The following MAP3K3 variants were observed in gnomAD, a reference collection of about 807,000 sequenced individuals.
MAP3K3 encodes MAP/ERK kinase kinase 3.
Under a neutral mutation model 80.9 loss-of-function variants are expected in MAP3K3, and 12 were observed. The ratio of observed to expected loss-of-function variants is 0.15; its 90% CI spans 0.10 to 0.24. The LOEUF (loss-of-function observed/expected upper bound fraction) is 0.24, where lower values mean the gene tolerates loss of function less well. Ranked by LOEUF, MAP3K3 falls within the 10% of genes least tolerant of loss-of-function variation. The pLI, the probability that MAP3K3 is intolerant of heterozygous loss-of-function variation, is 1.00. For missense variants in MAP3K3, 596 were observed against 834.7 expected (o/e 0.71, Z 3.52); for synonymous variants, 272 against 307.1 (o/e 0.89, Z 1.19).
At chr17:63,648,925 A>G (rs2034593768) in intron 3 of MAP3K3, among the ~76,000 whole-genome samples, 1 of 152,344 alleles carries the variant, frequency 6.6e-6, no homozygotes, top group South Asian at 2.1e-4. Flanking sequence ...GACAAAGGAA[A>G]AAAACAGGAA....
Position 63,692,351 on chromosome 17 carries a change from T to A in MAP3K3, c.1584T>A (p.Thr528=). ...CGGGGACGGGCATGCGCTCCGTCAC[T>A]GGCACACCCTACTGGATGAGCCCTG... is the stretch of plus-strand genomic sequence containing the variant. ...CMSGTGMRSV[T]GTPYWMSPEV... Residue 528 remains threonine, a synonymous_variant, in exon 15 of 16, where the codon ACT becomes ACA. Transcript: ENST00000361733. The surrounding 1 kb of genome is among the most constrained non-coding windows in gnomAD (Gnocchi z 4.5). The A allele has an allele frequency of 6.2e-7, 1 of 1,613,960 alleles. No individual in the cohort carries two copies. Among genetic ancestry groups the A allele is most frequent in the South Asian group, 1.1e-5 (1 of 91,088 alleles).
At chr17:63,658,150 A>G (rs2034810941) in intron 5 of MAP3K3, among the ~76,000 whole-genome samples, 1 of 152,216 alleles carries the variant, frequency 6.6e-6, no homozygotes, top group Non-Finnish European at 1.5e-5. Context: ...GGAGGAAGGA[A>G]AATACTTTAT....
intron 6 of MAP3K3, among the ~76,000 whole-genome samples, chr17:63,680,629 A>G (rs139569654): frequency 6.6e-6 from 1 of 152,286 alleles, no homozygotes; most frequent in Non-Finnish European, 1.5e-5. Flanking sequence ...GCAGAAAAAC[A>G]TTGCTCAGTG....
chr17:63,636,404 T>G (rs1413908442), intron 2 of MAP3K3, among the ~76,000 whole-genome samples: 1 of 152,200 alleles, frequency 6.6e-6, no homozygotes, highest in Non-Finnish European at 1.5e-5. Context: ...TCTGGAAGCC[T>G]ACAGCGTGGT....
In MAP3K3 at chr17:63,674,619, G is replaced by A. The variant is rs919915298; in HGVS notation, c.503-7147G>A. On this transcript the variant is annotated intron_variant, in intron 6 of 15. Coordinates refer to ENST00000361733, the MANE Select transcript of MAP3K3 (RefSeq NM_002401.5). ...CTACACCTCAGCTTCCCAAAGTGCT[G>A]AGATTATAGGTATGAGCCACCATGC... Among the ~76,000 whole-genome samples, 3 of 152,176 alleles carry A rather than the reference G, an allele frequency of 2.0e-5. No individual in the cohort carries two copies. In the South Asian group the frequency reaches 6.2e-4, roughly 32 times the overall value.
intron 2 of MAP3K3, among the ~76,000 whole-genome samples, chr17:63,642,898 C>T (rs1483618551): frequency 1.3e-5 from 2 of 151,658 alleles, no homozygotes; most frequent in Non-Finnish European, 2.9e-5. Flanking sequence ...GCTAAGACTA[C>T]AGGCGTGTGC....
chr17:63,632,652 C>T, intron 1 of MAP3K3, 29 bp from the exon 2 acceptor site: 1 of 1,612,850 alleles, frequency 6.2e-7, no homozygotes, highest in African/African-American at 1.3e-5. Context: ...ATTTAAGTGT[C>T]TTAGTCCATG....
At chr17:63,666,798 T>G in intron 5 of MAP3K3, 142 bp from the exon 6 acceptor site, 1 of 824,466 alleles carries the variant, frequency 1.2e-6, no homozygotes, top group Non-Finnish European at 1.9e-6. Context: ...AGAGTGAGAT[T>G]TGGGGGAAAG....
In MAP3K3 at chr17:63,688,888, T is replaced by A; in HGVS notation, c.871+7T>A. On this transcript the variant is annotated splice_region_variant and intron_variant, in intron 10 of 15. Transcript: ENST00000361733. ...CACAAGGACTACAGTGATGGTGAGT[T>A]CTTCTTCACCTGCTCCCTGCTGGCT... 6.2e-7 allele frequency: 1 copy of A among 1,606,620 alleles called. No homozygotes were observed. Among genetic ancestry groups the A allele is most frequent in the Non-Finnish European group, 8.5e-7 (1 of 1,173,214 alleles).
rs1270394705 is a variant in MAP3K3 at position 63,687,231 on chromosome 17, C to T, written c.711-1296C>T. ...AAATGAAAAAAAAAAAAAAGCCAGG[C>T]GCGGTGGCTCCTGCCTGTAATCCCA... On this transcript the variant is annotated intron_variant, in intron 8 of 15. Coordinates refer to ENST00000361733, the MANE Select transcript of MAP3K3 (RefSeq NM_002401.5). Among the ~76,000 whole-genome samples, 7 of 146,084 alleles carry T rather than the reference C, an allele frequency of 4.8e-5. No homozygotes were observed. The South Asian group carries it at 1.3e-3, about 27-fold the overall frequency.
At position 63,695,277 on chromosome 17, in the gene MAP3K3, CATGTA is replaced by C. The variant is rs1221914443; in HGVS notation, c.*1505_*1509del. 1 of 152,662 alleles carries C rather than the reference CATGTA, an allele frequency of 6.6e-6. No homozygotes were observed. Among genetic ancestry groups the C allele is most frequent in the African/African-American group, 2.4e-5 (1 of 41,460 alleles). The allele number at this position is 152,662 out of a possible 1,614,324, so 9.5% of individuals were successfully genotyped here. A position where few individuals can be genotyped will look rare whatever the true frequency, so the allele number is the denominator to read the frequency against. On this transcript the variant is annotated 3_prime_UTR_variant, in exon 16 of 16. Transcript: ENST00000361733. The surrounding 1 kb of genome is among the most constrained non-coding windows in gnomAD (Gnocchi z 4.1). ...ATCGCTGTTTTTAGCCTTTTCACAT[CATGTA>C]ATGTGAGGCCTTGTACTTGTTAATT... is the stretch of plus-strand genomic sequence containing the variant.
At chr17:63,670,841 G>A (rs970476897) in intron 6 of MAP3K3, among the ~76,000 whole-genome samples, 1 of 152,170 alleles carries the variant, frequency 6.6e-6, no homozygotes, top group Non-Finnish European at 1.5e-5. Flanking sequence ...GCAAGGGGAA[G>A]GGGAGGGCAG....
intron 8 of MAP3K3, among the ~76,000 whole-genome samples, chr17:63,687,729 C>T (rs932970166): frequency 6.6e-6 from 1 of 151,274 alleles, no homozygotes; most frequent in African/African-American, 2.4e-5. Flanking sequence ...GTGGCTCATG[C>T]CTGTAGTCCC....
chr17:63,659,525 CTT>C (rs57166616), intron 5 of MAP3K3, among the ~76,000 whole-genome samples: 2 of 64,572 alleles, frequency 3.1e-5, no homozygotes, highest in Admixed American at 4.1e-4. Flanking sequence ...CTGTCATGGA[CTT>C]TTTTTTTTTT....
intron 4 of MAP3K3, among the ~76,000 whole-genome samples, chr17:63,655,528 G>A (rs77871401): frequency 0.034 from 5,234 of 152,256 alleles, 323 homozygotes; most frequent in African/African-American, 0.12. Flanking sequence ...GTTTCACTTT[G>A]TTGCGCAGGC....
intron 12 of MAP3K3, 88 bp downstream of exon 12, chr17:63,690,500 T>C (rs2035563182): frequency 1.4e-6 from 2 of 1,413,934 alleles, no homozygotes; most frequent in Non-Finnish European, 1.9e-6. Context: ...TGAGATGCTG[T>C]AGGTTGCTTC....
intron 5 of MAP3K3, among the ~76,000 whole-genome samples, chr17:63,665,496 G>A (rs768611946): frequency 6.6e-6 from 1 of 152,148 alleles, no homozygotes; most frequent in Non-Finnish European, 1.5e-5. Flanking sequence ...GGTTTAGATA[G>A]TATGTCCTTT....
chr17:63,680,774 A>G (rs1158183341), intron 6 of MAP3K3, among the ~76,000 whole-genome samples: 1 of 151,530 alleles, frequency 6.6e-6, no homozygotes, highest in African/African-American at 2.4e-5. Context: ...TATCTGTAAA[A>G]CATAAATAAT....
intron 6 of MAP3K3, among the ~76,000 whole-genome samples, chr17:63,674,159 C>G (rs1388357059): frequency 1.3e-5 from 2 of 152,056 alleles, no homozygotes; most frequent in Non-Finnish European, 2.9e-5. Flanking sequence ...GTGCCTTTGC[C>G]TCAGTTCTCA....
Sources: gnomAD v4.1 joint callset for allele counts (sites outside exome capture counted in the v4.1 genomes callset) on GRCh38, gnomAD v4.1.1 for gene constraint, Gnocchi (gnomAD v3.1) non-coding constraint, MANE v1.5 for transcripts, NCBI Gene and HGNC (gene_info 2026-07-23, HGNC 2026-07-21) for gene names.